Variants in L3MBTL4 observed in about 807,000 individuals in gnomAD.
L3MBTL4 encodes lethal(3)malignant brain tumor-like protein 4.
In L3MBTL4, 70 loss-of-function variants were observed where a neutral mutation model predicts 84.5. That is an observed-to-expected ratio of 0.83 (90% CI 0.68 to 1.01). The LOEUF (loss-of-function observed/expected upper bound fraction) is 1.01. Ranked by LOEUF, L3MBTL4 falls within the 50% of genes least tolerant of loss-of-function variation. L3MBTL4 has a pLI of 0.00. For synonymous variants in L3MBTL4, 274 were observed against 259.8 expected, an observed-to-expected ratio of 1.05 and a Z score of -0.52; for missense variants, 715 against 754.8, an observed-to-expected ratio of 0.95 and a Z score of 0.62.
At chr18:6,104,357 G>A (rs1228710491) in intron 14 of L3MBTL4, among the ~76,000 whole-genome samples, 4 of 152,170 alleles carry the variant, frequency 2.6e-5, no homozygotes, top group Admixed American at 2.6e-4. Context: ...GGATAAAGAA[G>A]ATATGGTATA....
At chr18:6,192,950 AG>A (rs752059763) in intron 12 of L3MBTL4, among the ~76,000 whole-genome samples, 4 of 152,132 alleles carry the variant, frequency 2.6e-5, no homozygotes, top group Non-Finnish European at 4.4e-5. Flanking sequence ...CAAGAAAGTG[AG>A]GGGCAGTGAA....
chr18:6,272,808 G>T (rs1274901689), intron 4 of L3MBTL4, among the ~76,000 whole-genome samples: 1 of 103,450 alleles, frequency 9.7e-6, no homozygotes, highest in Non-Finnish European at 1.8e-5. Flanking sequence ...AGTTCTGACA[G>T]CCCCACTGCA....
At chr18:6,346,116 A>C (rs2052891197) in intron 1 of L3MBTL4, among the ~76,000 whole-genome samples, 1 of 147,226 alleles carries the variant, frequency 6.8e-6, no homozygotes, top group African/African-American at 2.5e-5. Flanking sequence ...ATATATATAT[A>C]TATATATATA....
intron 16 of L3MBTL4, among the ~76,000 whole-genome samples, chr18:6,023,216 G>C (rs1391603417): frequency 1.3e-5 from 2 of 152,352 alleles, no homozygotes; most frequent in East Asian, 1.9e-4. Context: ...TTCTGTAGCA[G>C]AGAATAGATA....
At chr18:6,054,899 T>C (rs574255455) in intron 16 of L3MBTL4, among the ~76,000 whole-genome samples, 14 of 152,338 alleles carry the variant, frequency 9.2e-5, no homozygotes, top group African/African-American at 3.4e-4. Context: ...TCTTTTTCCC[T>C]TTCCCTGAAG....
At chr18:6,119,838 G>C (rs1233443893) in intron 14 of L3MBTL4, among the ~76,000 whole-genome samples, 2 of 152,134 alleles carry the variant, frequency 1.3e-5, no homozygotes, top group African/African-American at 4.8e-5. Flanking sequence ...ATATGTCTGG[G>C]AATAGGAGAA....
chr18:5,987,117 C>CT (rs1167304850), intron 16 of L3MBTL4, among the ~76,000 whole-genome samples: 1 of 152,176 alleles, frequency 6.6e-6, no homozygotes, highest in East Asian at 1.9e-4. Flanking sequence ...AAGCCTACAG[C>CT]GACCTCAAGG....
intron 16 of L3MBTL4, among the ~76,000 whole-genome samples, chr18:6,049,124 A>G (rs1232261963): frequency 6.6e-6 from 1 of 152,064 alleles, no homozygotes; most frequent in Non-Finnish European, 1.5e-5. Flanking sequence ...CGTTCTCCAA[A>G]CAAAAGAAAA....
At chr18:6,126,586 G>A (rs1375803122) in intron 14 of L3MBTL4, among the ~76,000 whole-genome samples, 1 of 152,020 alleles carries the variant, frequency 6.6e-6, no homozygotes, top group Non-Finnish European at 1.5e-5. Context: ...CAGTGCCATA[G>A]TTGCTACAAA....
intron 14 of L3MBTL4, among the ~76,000 whole-genome samples, chr18:6,097,428 T>C (rs2058676801): frequency 6.6e-6 from 1 of 152,166 alleles, no homozygotes; most frequent in African/African-American, 2.4e-5. Context: ...TTAATGACGT[T>C]AGGGTTTGCA....
chr18:6,249,933 T>C (rs1367927346), intron 5 of L3MBTL4, among the ~76,000 whole-genome samples: 4 of 152,178 alleles, frequency 2.6e-5, no homozygotes, highest in Admixed American at 2.6e-4. Context: ...AGTAGCCTAG[T>C]ACAACTAAGG....
At chr18:6,224,557 G>A (rs1189426878) in intron 10 of L3MBTL4, among the ~76,000 whole-genome samples, 2 of 152,130 alleles carry the variant, frequency 1.3e-5, no homozygotes, top group Non-Finnish European at 2.9e-5. Flanking sequence ...AATCTTAGGC[G>A]CTAATGAAAC....
intron 4 of L3MBTL4, among the ~76,000 whole-genome samples, chr18:6,284,898 G>A (rs1048612602): frequency 2.0e-5 from 3 of 152,222 alleles, no homozygotes; most frequent in Admixed American, 6.5e-5. Flanking sequence ...AGCCCGGAAC[G>A]GGGAGGGAAA....
chr18:6,222,045 G>A lies in L3MBTL4; in HGVS notation c.785-6210C>T, dbSNP rs565248802. ...TTGAAGAAAATCAGATGCTTCAATC[G>A]TGGCCAAGCCTAATTCAGGTTCACC... On this transcript the variant is annotated intron_variant, in intron 10 of 18. Coordinates refer to ENST00000317931, the MANE Select transcript of L3MBTL4 (RefSeq NM_001330559.2). Among the ~76,000 whole-genome samples the A allele has an allele frequency of 2.8e-4, 43 of 152,304 alleles. No homozygotes were observed. The South Asian group carries it at 3.5e-3, about 12-fold the overall frequency.
In L3MBTL4 at chr18:6,414,348, A is replaced by G. The variant is rs2056101341; in HGVS notation, c.-91+453T>C. Among the ~76,000 whole-genome samples the G allele has an allele frequency of 6.6e-6, 1 of 152,266 alleles. No homozygotes were observed. The highest frequency in any genetic ancestry group is 2.1e-4 in the South Asian group (1 of 4,824). On this transcript the variant is annotated intron_variant, in intron 1 of 18. Transcript: ENST00000317931. The surrounding 1 kb of genome is among the most constrained non-coding windows in gnomAD (Gnocchi z 5.4). The stretch of plus-strand genomic sequence containing the variant: ...GACGGGGGCGTTAGCCCCAGAGGAA[A>G]CAAAAGCCAAATGCCCACCGCCGGG...
intron 16 of L3MBTL4, among the ~76,000 whole-genome samples, chr18:5,975,421 C>CG (rs1015501506): frequency 3.3e-5 from 5 of 152,128 alleles, no homozygotes; most frequent in Non-Finnish European, 5.9e-5. Flanking sequence ...TGACAGTCAC[C>CG]GACCAAGTCC....
At chr18:6,382,799 C>G (rs2054649137) in intron 1 of L3MBTL4, among the ~76,000 whole-genome samples, 1 of 152,200 alleles carries the variant, frequency 6.6e-6, no homozygotes, top group Non-Finnish European at 1.5e-5. Context: ...GTCAGAGACC[C>G]ACTTGAGGAG....
At chr18:6,047,576 G>C (rs1487288366) in intron 16 of L3MBTL4, among the ~76,000 whole-genome samples, 1 of 152,186 alleles carries the variant, frequency 6.6e-6, no homozygotes, top group Non-Finnish European at 1.5e-5. Context: ...CTTCATTCCT[G>C]GGATGCAAGG....
At chr18:6,003,852 T>A (rs941856176) in intron 16 of L3MBTL4, among the ~76,000 whole-genome samples, 11 of 152,046 alleles carry the variant, frequency 7.2e-5, no homozygotes, top group African/African-American at 2.7e-4. Flanking sequence ...AAACACCTCA[T>A]AACTTATGTG....
Sources: allele counts gnomAD v4.1 joint callset (sites outside exome capture counted in the v4.1 genomes callset), GRCh38; gene constraint gnomAD v4.1.1; non-coding constraint Gnocchi (gnomAD v3.1); transcripts MANE v1.5; gene names NCBI Gene and HGNC (gene_info 2026-07-23, HGNC 2026-07-21).